RMDN1: variants seen among roughly 807,000 people sequenced by gnomAD.
The protein encoded by RMDN1 is regulator of microtubule dynamics 1, also known as regulator of microtubule dynamics protein 1.
RMDN1 carries 48 observed loss-of-function variants against 48.9 expected under a neutral mutation model. The observed-to-expected ratio is 0.98, with a 90% CI of 0.78 to 1.25. RMDN1 has a LOEUF of 1.25. RMDN1 is among the 50% of genes most tolerant of loss of function. The pLI is 0.00. For synonymous variants in RMDN1, 148 were observed against 132.6 expected (o/e 1.12, Z -0.80); for missense variants, 418 against 373.4 (o/e 1.12, Z -0.98).
intron 2 of RMDN1, among the ~76,000 whole-genome samples, chr8:86,500,530 TAA>T (rs34024970): frequency 2.8e-5 from 4 of 144,546 alleles, no homozygotes; most frequent in Admixed American, 6.8e-5. Context: ...AAAAAATAAT[TAA>T]AAAAAAAAAA....
intron 2 of RMDN1, among the ~76,000 whole-genome samples, chr8:86,489,843 G>C (rs964958181): frequency 2.0e-5 from 3 of 151,424 alleles, no homozygotes; most frequent in East Asian, 1.9e-4. Context: ...AAAAAAAAGG[G>C]GGGGGATGGG....
chr8:86,474,961 TAAGA>T lies in RMDN1; in HGVS notation c.761-12_761-9del. 1.9e-6 allele frequency: 3 copies of T among 1,581,828 alleles called. No individual in the cohort carries two copies. Among genetic ancestry groups the T allele is most frequent in the South Asian group, 2.3e-5 (2 of 85,496 alleles). On this transcript the variant is annotated splice_polypyrimidine_tract_variant and intron_variant, in intron 8 of 9. Transcript: ENST00000406452. ...TGTAGAAGTTTGGATCCACTGCACA[TAAGA>T]AAGAAAAAATGATCTCAGAGGAAAC...
In RMDN1 at chr8:86,472,451, G is replaced by A; in HGVS notation, c.*1857C>T. Reference sequence around the variant, plus strand: ...CATCCCTAGAAAGACCCACTTCCTGGCCCTTCAGCTGCTTCTGTTTCTCTT... The same window carrying A: ...CATCCCTAGAAAGACCCACTTCCTGACCCTTCAGCTGCTTCTGTTTCTCTT... On this transcript the variant is annotated 3_prime_UTR_variant, in exon 10 of 10. Coordinates refer to ENST00000406452, the MANE Select transcript of RMDN1 (RefSeq NM_016033.3). 1.4e-6 allele frequency: 1 copy of A among 702,430 alleles called. No individual in the cohort carries two copies. Among genetic ancestry groups the A allele is most frequent in the Non-Finnish European group, 2.6e-6 (1 of 384,972 alleles). 43.5% of individuals were successfully genotyped at this position (702,430 alleles called of 1,614,324 possible). A position where few individuals can be genotyped will look rare whatever the true frequency, so the allele number is the denominator to read the frequency against.
At chr8:86,497,894 G>A (rs181197377) in intron 2 of RMDN1, among the ~76,000 whole-genome samples, 254 of 151,934 alleles carry the variant, frequency 1.7e-3, no homozygotes, top group African/African-American at 5.7e-3. Context: ...TGGGGAGTTC[G>A]AGACAGCCTG....
At chr8:86,514,030 G>A (rs975555582) in intron 1 of RMDN1, among the ~76,000 whole-genome samples, 1 of 151,816 alleles carries the variant, frequency 6.6e-6, no homozygotes, top group Admixed American at 6.6e-5. Context: ...TTTTGTAGCG[G>A]TGGAGGGGGT....
chr8:86,472,694 T>C lies in RMDN1; in HGVS notation c.*1614A>G. 1 of 536,196 alleles carries C rather than the reference T, an allele frequency of 1.9e-6. No homozygotes were observed. Among genetic ancestry groups the C allele is most frequent in the Non-Finnish European group, 3.3e-6 (1 of 304,972 alleles). The allele number at this position is 536,196 out of a possible 1,614,324, so 33.2% of individuals were successfully genotyped here. On this transcript the variant is annotated 3_prime_UTR_variant, in exon 10 of 10. Coordinates refer to ENST00000406452, the MANE Select transcript of RMDN1 (RefSeq NM_016033.3). ...GCCATCCTTGTTCCTGTGCGAGTTATGTCATATTTTTTACTGTTAAGTACT... is the reference window on the plus strand; with the variant it reads ...GCCATCCTTGTTCCTGTGCGAGTTACGTCATATTTTTTACTGTTAAGTACT...
At position 86,480,345 on chromosome 8, in the gene RMDN1, G is replaced by A. The variant is rs765912408; in HGVS notation, c.586-13C>T. ...GTTCAATTGCTTTCTAACAAGAAAT[G>A]AGAAAAATAAATCATATTTGTTTTC... On this transcript the variant is annotated splice_polypyrimidine_tract_variant and intron_variant, in intron 5 of 9. Transcript: ENST00000406452. 1 of 1,447,362 alleles carries A rather than the reference G, an allele frequency of 6.9e-7. No homozygotes were observed. The highest frequency in any genetic ancestry group is 9.5e-7 in the Non-Finnish European group (1 of 1,057,554). The allele number at this position is 1,447,362 out of a possible 1,614,324, so 89.7% of individuals were successfully genotyped here.
intron 1 of RMDN1, among the ~76,000 whole-genome samples, chr8:86,507,718 T>A (rs574021872): frequency 6.6e-6 from 1 of 152,224 alleles, no homozygotes; most frequent in South Asian, 2.1e-4. Context: ...ACTCCTCCCA[T>A]CTCTCTGCCT....
chr8:86,504,781 C>A (rs1448556368), intron 2 of RMDN1: 13 of 1,044,628 alleles, frequency 1.2e-5, no homozygotes, highest in African/African-American at 3.1e-5. Context: ...CCAGCTGCGA[C>A]TGCAATGGCC....
intron 4 of RMDN1, among the ~76,000 whole-genome samples, chr8:86,485,409 A>G (rs1176017325): frequency 6.6e-6 from 1 of 152,186 alleles, no homozygotes; most frequent in Non-Finnish European, 1.5e-5. Flanking sequence ...TGGACAACAG[A>G]ATGAGACTAT....
chr8:86,483,136 C>A, intron 5 of RMDN1: 1 of 340,958 alleles, frequency 2.9e-6, no homozygotes, highest in Non-Finnish European at 5.3e-6. Flanking sequence ...GATGTTACCA[C>A]TTTAGATATA....
In RMDN1 at chr8:86,474,130, G is replaced by A; in HGVS notation, c.*178C>T. 1.5e-6 allele frequency: 2 copies of A among 1,348,256 alleles called. No individual in the cohort carries two copies. Among genetic ancestry groups the A allele is most frequent in the Non-Finnish European group, 1.9e-6 (2 of 1,051,608 alleles). The allele number at this position is 1,348,256 out of a possible 1,614,324, so 83.5% of individuals were successfully genotyped here. On this transcript the variant is annotated 3_prime_UTR_variant, in exon 10 of 10. Coordinates refer to ENST00000406452, the MANE Select transcript of RMDN1 (RefSeq NM_016033.3). ...GAGATTTATTTCTACCACTCTTATG[G>A]CGATTATTTATTTTACCCTATTATT...
chr8:86,481,143 T>A (rs1231849108), intron 5 of RMDN1, among the ~76,000 whole-genome samples: 1 of 152,198 alleles, frequency 6.6e-6, no homozygotes, highest in African/African-American at 2.4e-5. Context: ...TTCAGTTTAG[T>A]AATGTGTGAG....
chr8:86,484,253 A>C (rs1324630569), intron 5 of RMDN1, among the ~76,000 whole-genome samples: 4 of 152,162 alleles, frequency 2.6e-5, no homozygotes, highest in Non-Finnish European at 5.9e-5. Context: ...GAGCTAGACA[A>C]CTAAGTGATA....
intron 5 of RMDN1, chr8:86,482,561 A>C: frequency 1.4e-6 from 1 of 738,788 alleles, no homozygotes; most frequent in Middle Eastern, 3.3e-4. Context: ...TTGCCTGTCA[A>C]ATTCACTAAG....
intron 2 of RMDN1, chr8:86,504,583 C>T (rs1030764396): frequency 7.2e-6 from 8 of 1,104,710 alleles, no homozygotes; most frequent in African/African-American, 4.6e-5. Flanking sequence ...AAGGCGGACC[C>T]TGCATATGAT....
chr8:86,496,929 TCAAAC>T (rs966122624), intron 2 of RMDN1, among the ~76,000 whole-genome samples: 20 of 151,500 alleles, frequency 1.3e-4, no homozygotes, highest in African/African-American at 4.8e-4. Flanking sequence ...AAAACTGAAA[TCAAAC>T]CAAGCACTCT....
chr8:86,498,354 T>C (rs1416734216), intron 2 of RMDN1, among the ~76,000 whole-genome samples: 1 of 151,864 alleles, frequency 6.6e-6, no homozygotes, highest in Non-Finnish European at 1.5e-5. Flanking sequence ...GTACCAATCC[T>C]ATTGAAATTA....
chr8:86,509,008 A>T (rs1371746415), upstream of RMDN1, among the ~76,000 whole-genome samples: 3 of 152,316 alleles, frequency 2.0e-5, no homozygotes, highest in East Asian at 5.8e-4. Flanking sequence ...ATGCCAGAAA[A>T]AAAATTGTCA....
Sources: gnomAD v4.1 joint callset for allele counts (sites outside exome capture counted in the v4.1 genomes callset) on GRCh38, gnomAD v4.1.1 for gene constraint, MANE v1.5 for transcripts, NCBI Gene and HGNC (gene_info 2026-07-23, HGNC 2026-07-21) for gene names.